Variants in SH3TC1 observed in about 807,000 individuals in gnomAD.
The protein encoded by SH3TC1 is SH3 domain and tetratricopeptide repeat-containing protein 1.
In SH3TC1, 135 loss-of-function variants were observed where a neutral mutation model predicts 117.3. The ratio of observed to expected loss-of-function variants is 1.15; its 90% confidence interval spans 1.00 to 1.33. The LOEUF (loss-of-function observed/expected upper bound fraction) is 1.33, where lower values mean the gene tolerates loss of function less well. Ranked by LOEUF, SH3TC1 falls within the 40% of genes most tolerant of loss-of-function variation. The probability of loss-of-function intolerance (pLI) is 0.00; values close to 1 mark genes in which losing one functional copy is unlikely to be tolerated. For synonymous variants in SH3TC1, 898 were observed against 816.9 expected (o/e 1.10, Z -1.69); for missense variants, 2,092 against 1,794.3 (o/e 1.17, Z -3.00).
upstream of SH3TC1, among the ~76,000 whole-genome samples, chr4:8,195,699 G>A (rs1717540207): frequency 6.6e-6 from 1 of 152,150 alleles, no homozygotes; most frequent in Admixed American, 6.5e-5. Flanking sequence ...CAAACACAGG[G>A]GAAGCCAAGC....
intron 15 of SH3TC1, 99 bp from the exon 16 acceptor site, chr4:8,236,179 T>C: frequency 7.2e-7 from 1 of 1,383,630 alleles, no homozygotes; most frequent in South Asian, 1.5e-5. Flanking sequence ...CAGGGGTAGC[T>C]GGGGCGTGGG....
upstream of SH3TC1, among the ~76,000 whole-genome samples, chr4:8,196,861 G>C (rs1344589890): frequency 6.6e-6 from 1 of 152,168 alleles, no homozygotes; most frequent in African/African-American, 2.4e-5. This position sits in a 1 kb window ranked among gnomAD's most constrained non-coding sequence, Gnocchi z 4.6. Flanking sequence ...GGGGCTGAGA[G>C]GACAGCAGGC....
chr4:8,206,277 T>C lies in SH3TC1; in HGVS notation c.172+911T>C, dbSNP rs2152979631. On this transcript the variant is annotated intron_variant, in intron 2 of 17. Transcript: ENST00000245105. The surrounding 1 kb of genome is among the most constrained non-coding windows in gnomAD (Gnocchi z 5.5). The stretch of plus-strand genomic sequence containing the variant: ...CAAAGGGGAAGTGGTCTGCAGGCAC[T>C]GGCATGCCTGGGCAGGAAGGGCGGC... 6.6e-6 allele frequency among the ~76,000 whole-genome samples: 1 copy of C among 151,802 alleles called. No individual in the cohort carries two copies. Among genetic ancestry groups the C allele is most frequent in the South Asian group, 2.1e-4 (1 of 4,808 alleles).
chr4:8,194,614 A>G (rs1717505798), upstream of SH3TC1, among the ~76,000 whole-genome samples: 12 of 152,206 alleles, frequency 7.9e-5, no homozygotes, highest in Admixed American at 7.9e-4. Context: ...AATCTGGTGT[A>G]AAAGGCAGGT....
chr4:8,186,504 G>A lies in SH3TC1; in HGVS notation c.-57+4294G>A, dbSNP rs1305661819. The stretch of plus-strand genomic sequence containing the variant: ...GAGTAAAAATAGCAGGTCCACGTTG[G>A]TTTACTGAATGTGACAGGTTACGCA... On this transcript the variant is annotated intron_variant, in intron 1 of 16. Transcript: ENST00000508641. This position sits in a 1 kb window ranked among gnomAD's most constrained non-coding sequence, Gnocchi z 5.2. Among the ~76,000 whole-genome samples the A allele has an allele frequency of 6.6e-6, 1 of 152,222 alleles. No individual in the cohort carries two copies. Among genetic ancestry groups the A allele is most frequent in the Non-Finnish European group, 1.5e-5 (1 of 68,042 alleles).
At chr4:8,194,721 G>A (rs967066160), upstream of SH3TC1, among the ~76,000 whole-genome samples, 3 of 152,218 alleles carry the variant, frequency 2.0e-5, no homozygotes, top group Non-Finnish European at 4.4e-5. Context: ...CAGAGATCAG[G>A]AAAGGGACAG....
In SH3TC1 at chr4:8,237,647, G is replaced by GGT; in HGVS notation, c.3730_3731insGT (p.Asp1244GlyfsTer8). On this transcript the variant is annotated frameshift_variant, in exon 17 of 18. Transcript: ENST00000245105. LOFTEE classifies it low-confidence loss of function (END_TRUNC). ...CGTGAAGGTGTACCTGGTGCTCGGT[G>GGT]ACATCATCTTCTACGACCTGAAGGT... is the stretch of plus-strand genomic sequence containing the variant. 6.2e-7 allele frequency: 1 copy of GGT among 1,608,442 alleles called. No individual in the cohort carries two copies. Among genetic ancestry groups the GGT allele is most frequent in the Admixed American group, 1.7e-5 (1 of 59,480 alleles).
intron 9 of SH3TC1, among the ~76,000 whole-genome samples, chr4:8,221,469 T>C (rs1719916196): frequency 6.6e-6 from 1 of 152,206 alleles, no homozygotes; most frequent in Non-Finnish European, 1.5e-5. Context: ...TTAACTTTAT[T>C]TTTGACACAA....
chr4:8,203,348 C>T (rs904948891), intron 1 of SH3TC1, among the ~76,000 whole-genome samples: 5 of 152,074 alleles, frequency 3.3e-5, no homozygotes, highest in African/African-American at 1.2e-4. Context: ...CTCAGTTTCC[C>T]CATCTCTGCA....
chr4:8,236,322 G>T lies in SH3TC1; in HGVS notation c.3450G>T (p.Ala1150=). The change falls in exon 16 of 18, where the codon GCG becomes GCT. Residue 1150 remains alanine, a synonymous_variant. Coordinates refer to ENST00000245105, the MANE Select transcript of SH3TC1 (RefSeq NM_018986.5). ...CAGTGACTACGGGCAACCGCAAGGC[G>T]GAGCTGCGGCTGTGCAACAAGCTGG... The part of the protein sequence containing the change: ...PLAVTTGNRK[A]ELRLCNKLVA... The T allele has an allele frequency of 6.4e-7, 1 of 1,554,510 alleles. No individual in the cohort carries two copies. Among genetic ancestry groups the T allele is most frequent in the African/African-American group, 1.4e-5 (1 of 73,508 alleles).
intron 1 of SH3TC1, among the ~76,000 whole-genome samples, chr4:8,187,396 A>C (rs1351870546): frequency 6.6e-6 from 1 of 151,740 alleles, no homozygotes; most frequent in African/African-American, 2.4e-5. Context: ...CGCATCCCAC[A>C]ATAAAGGAGT....
At position 8,232,041 on chromosome 4, in the gene SH3TC1, T is replaced by C. The variant is rs1721270965; in HGVS notation, c.3016T>C (p.Cys1006Arg). ...CGCCGTCATGCCCAGCGAGGCCCAG[T>C]GTGTCATCTACCATGAGCTCCAGCT... Reference protein sequence around the residue: ...YSAVMPSEAQCVIYHELQLSL... With the variant: ...YSAVMPSEAQRVIYHELQLSL... Residue 1006 changes from cysteine to arginine, a missense_variant, in exon 13 of 18, where the codon TGT becomes CGT. Transcript: ENST00000245105. 8 of 1,613,102 alleles carry C rather than the reference T, an allele frequency of 5.0e-6. No individual in the cohort carries two copies. Among genetic ancestry groups the C allele is most frequent in the Non-Finnish European group, 6.8e-6 (8 of 1,179,920 alleles).
intron 5 of SH3TC1, chr4:8,215,042 C>T (rs774525237): frequency 6.7e-5 from 29 of 433,308 alleles, no homozygotes; most frequent in South Asian, 1.6e-4. Context: ...CTGGTGTGCG[C>T]ACCTGGTGCT....
intron 16 of SH3TC1, chr4:8,237,076 C>T (rs1281789444): frequency 5.1e-6 from 1 of 197,752 alleles, no homozygotes; most frequent in Non-Finnish European, 1.0e-5. Flanking sequence ...CTCAGGCACG[C>T]AGTGACTCCC....
rs749868945 is a variant in SH3TC1, at chr4:8,232,151, C to T, written c.3126C>T (p.Thr1042=). 2.7e-5 allele frequency: 39 copies of T among 1,458,138 alleles called. No homozygotes were observed. Among genetic ancestry groups the T allele is most frequent in the African/African-American group, 5.3e-5 (3 of 56,488 alleles). The allele number at this position is 1,458,138 out of a possible 1,614,324, so 90.3% of individuals were successfully genotyped here. A position where few individuals can be genotyped will look rare whatever the true frequency, so the allele number is the denominator to read the frequency against. The part of the protein sequence containing the change: ...TISQLYLSLG[T]ERAYKSALDY... ...GCCAGCTCTACCTGTCCCTGGGCAC[C>T]GAGCGGTGAGGGCTGGCTCTGTGGT... The change falls in exon 13 of 18, where the codon ACC becomes ACT. Residue 1042 remains threonine (T), a synonymous_variant. Coordinates refer to ENST00000245105, the MANE Select transcript of SH3TC1 (RefSeq NM_018986.5).
rs781425661 is a variant in SH3TC1, at chr4:8,232,492, G to C, written c.3131+336G>C. ...GGCTTTTGTCATCTGACCTCTGCCT[G>C]CCCCGAGTCTTCACTCCTGGCCTTC... On this transcript the variant is annotated intron_variant, in intron 13 of 17. Transcript: ENST00000245105. 1.1e-5 allele frequency: 16 copies of C among 1,416,182 alleles called. No individual in the cohort carries two copies. The African/African-American group carries it at 2.3e-4, about 20-fold the overall frequency. The allele number at this position is 1,416,182 out of a possible 1,614,324, so 87.7% of individuals were successfully genotyped here. A position where few individuals can be genotyped will look rare whatever the true frequency, so the allele number is the denominator to read the frequency against.
chr4:8,196,038 G>T (rs1055473766), upstream of SH3TC1, among the ~76,000 whole-genome samples: 3 of 152,246 alleles, frequency 2.0e-5, no homozygotes, highest in Non-Finnish European at 4.4e-5. The surrounding 1 kb of genome is among the most constrained non-coding windows in gnomAD (Gnocchi z 4.6). Flanking sequence ...TGCCTGTCGA[G>T]CGCAGCCCCT....
Position 8,236,325 on chromosome 4 carries a change from G to T in SH3TC1, c.3453G>T (p.Glu1151Asp), listed in dbSNP as rs1416155370. The T allele has an allele frequency of 6.4e-7, 1 of 1,554,098 alleles. No homozygotes were observed. The highest frequency in any genetic ancestry group is 8.7e-7 in the Non-Finnish European group (1 of 1,149,388). ...LAVTTGNRKA[E>D]LRLCNKLVAL... ...TGACTACGGGCAACCGCAAGGCGGA[G>T]CTGCGGCTGTGCAACAAGCTGGTGG... The change falls in exon 16 of 18, where the codon GAG (glutamate) becomes GAT (aspartate). Residue 1151 changes from glutamate (E) to aspartate (D), a missense_variant. Physicochemically the swap from Glu to Asp is conservative, Grantham distance 45. Transcript: ENST00000245105.
At chr4:8,188,869 C>T (rs921962029) in intron 1 of SH3TC1, among the ~76,000 whole-genome samples, 4 of 152,236 alleles carry the variant, frequency 2.6e-5, no homozygotes, top group Admixed American at 6.5e-5. Flanking sequence ...GCAGCCACCT[C>T]CTCCCTGTCT....
Sources: gnomAD v4.1 joint callset for allele counts (sites outside exome capture counted in the v4.1 genomes callset) on GRCh38, gnomAD v4.1.1 for gene constraint, Gnocchi (gnomAD v3.1) non-coding constraint, MANE v1.5 for transcripts, NCBI Gene and HGNC (gene_info 2026-07-23, HGNC 2026-07-21) for gene names.